Variants in ASTN2 observed in about 807,000 individuals in gnomAD.
ASTN2 encodes the protein astrotactin 2, also known as astrotactin-2.
In ASTN2, 54 loss-of-function variants were observed where a neutral mutation model predicts 139.8. The ratio of observed to expected loss-of-function variants is 0.39; its 90% CI spans 0.31 to 0.48. The LOEUF (loss-of-function observed/expected upper bound fraction) is 0.48. ASTN2 is among the 20% of genes least tolerant of loss of function. The pLI is 0.95. For missense variants in ASTN2, 1,565 were observed against 1,725.1 expected, an observed-to-expected ratio of 0.91 and a Z score of 1.64; for synonymous variants, 756 against 719.5, an observed-to-expected ratio of 1.05 and a Z score of -0.81.
At chr9:116,846,180 T>A (rs1052260481) in intron 11 of ASTN2, among the ~76,000 whole-genome samples, 1 of 152,088 alleles carries the variant, frequency 6.6e-6, no homozygotes, top group Non-Finnish European at 1.5e-5. Flanking sequence ...GAAAGCAGAA[T>A]GGTGGTTGCC....
chr9:116,924,429 C>CAAA lies in ASTN2; in HGVS notation c.1889+50776_1889+50778dup, dbSNP rs35015769. Among the ~76,000 whole-genome samples, 65 of 54,808 alleles carry CAAA rather than the reference C, an allele frequency of 1.2e-3. 2 individuals are homozygous for CAAA. Among genetic ancestry groups the CAAA allele is most frequent in the Middle Eastern group, 9.4e-3 (1 of 106 alleles). 36.0% of individuals were successfully genotyped at this position (54,808 alleles called of 152,430 possible). On this transcript the variant is annotated intron_variant, in intron 10 of 22. Transcript: ENST00000313400. Reference sequence around the variant, plus strand: ...TGGGTGACAGAGCAAGACTTCATCTCAAAAAAAAAAAAAAAAAAAAAAGAA... The same window carrying CAAA: ...TGGGTGACAGAGCAAGACTTCATCTCAAAAAAAAAAAAAAAAAAAAAAAAAGAA...
At chr9:116,783,487 C>T (rs998611380) in intron 13 of ASTN2, among the ~76,000 whole-genome samples, 13 of 152,140 alleles carry the variant, frequency 8.5e-5, no homozygotes, top group African/African-American at 3.1e-4. Flanking sequence ...GAAGGAGAAA[C>T]AATTAGCATG....
At chr9:117,106,080 C>T (rs926760938) in intron 4 of ASTN2, among the ~76,000 whole-genome samples, 6 of 152,218 alleles carry the variant, frequency 3.9e-5, no homozygotes, top group Middle Eastern at 3.4e-3. Context: ...TATTAAGTTC[C>T]GTGAAATTTC....
At chr9:116,720,446 C>T (rs1274911754) in intron 16 of ASTN2, among the ~76,000 whole-genome samples, 2 of 152,124 alleles carry the variant, frequency 1.3e-5, no homozygotes, top group South Asian at 2.1e-4. Flanking sequence ...ATGTTAATTG[C>T]ATAGCATTCT....
At chr9:117,327,255 G>A (rs1196374872) in intron 1 of ASTN2, among the ~76,000 whole-genome samples, 1 of 152,132 alleles carries the variant, frequency 6.6e-6, no homozygotes, top group African/African-American at 2.4e-5. Context: ...ACTGGTACTG[G>A]TCTGTGGCCC....
At chr9:117,257,701 C>T (rs775129018) in intron 2 of ASTN2, among the ~76,000 whole-genome samples, 131 of 152,332 alleles carry the variant, frequency 8.6e-4, no homozygotes, top group Non-Finnish European at 1.6e-3. Context: ...AATGTTGGTT[C>T]CACTGTCAAG....
At chr9:116,729,656 C>T (rs1024370753) in intron 14 of ASTN2, among the ~76,000 whole-genome samples, 2 of 152,218 alleles carry the variant, frequency 1.3e-5, no homozygotes, top group Non-Finnish European at 2.9e-5. Context: ...CATTTATTAA[C>T]TTTCCCTTCA....
intron 16 of ASTN2, among the ~76,000 whole-genome samples, chr9:116,694,278 A>C (rs1860720962): frequency 6.6e-6 from 1 of 152,112 alleles, no homozygotes; most frequent in Admixed American, 6.5e-5. Context: ...AGCCTTGTTT[A>C]ATAAACTGAT....
intron 2 of ASTN2, among the ~76,000 whole-genome samples, chr9:117,227,067 T>C (rs1001262147): frequency 6.6e-6 from 1 of 152,086 alleles, no homozygotes; most frequent in Non-Finnish European, 1.5e-5. Context: ...GCTGGCAGCA[T>C]AGTGGGTCTG....
intron 6 of ASTN2, among the ~76,000 whole-genome samples, chr9:117,031,716 G>A (rs971731205): frequency 2.3e-4 from 35 of 152,202 alleles, no homozygotes; most frequent in African/African-American, 7.7e-4. Context: ...GAAGTTTTCA[G>A]GCAAAGAAAA....
intron 15 of ASTN2, 58 bp from the exon 16 acceptor site, chr9:116,726,008 A>G: frequency 6.6e-7 from 1 of 1,524,952 alleles, no homozygotes; most frequent in South Asian, 1.2e-5. Context: ...CGGCTAGCAA[A>G]TTATACGGTG....
intron 2 of ASTN2, among the ~76,000 whole-genome samples, chr9:117,285,064 T>C (rs1221328720): frequency 1.3e-5 from 2 of 152,218 alleles, no homozygotes; most frequent in Non-Finnish European, 2.9e-5. Context: ...GATTCTTCAA[T>C]GTCTTGATTA....
rs557417829 is a variant in ASTN2 at position 116,575,212 on chromosome 9, T to A, written c.3355+43112A>T. ...CACTTTTATTGGCTTACCTCTTTTT[T>A]TCATAGTAAAATTATGTTTTTAATA... is the stretch of plus-strand genomic sequence containing the variant. On this transcript the variant is annotated intron_variant, in intron 19 of 22. Coordinates refer to ENST00000313400, the MANE Select transcript of ASTN2 (RefSeq NM_001365068.1). 2.0e-5 allele frequency among the ~76,000 whole-genome samples: 3 copies of A among 152,242 alleles called. No individual in the cohort carries two copies. The South Asian group carries it at 6.2e-4, about 32-fold the overall frequency.
intron 1 of ASTN2, among the ~76,000 whole-genome samples, chr9:117,329,178 T>C (rs1564149254): frequency 7.3e-6 from 1 of 137,314 alleles, no homozygotes; most frequent in African/African-American, 2.6e-5. Context: ...CACTTCCAAG[T>C]TCTTTTTTTT....
intron 13 of ASTN2, among the ~76,000 whole-genome samples, chr9:116,737,847 TATA>T: frequency 6.6e-6 from 1 of 152,224 alleles, no homozygotes; most frequent in African/African-American, 2.4e-5. Context: ...ATAAGAGTGA[TATA>T]ATGAGTTTTG....
At chr9:116,739,651 C>T (rs1018657203) in intron 13 of ASTN2, among the ~76,000 whole-genome samples, 5 of 152,192 alleles carry the variant, frequency 3.3e-5, no homozygotes, top group African/African-American at 7.2e-5. Context: ...TCGTTTCTAA[C>T]GATACATGTG....
At chr9:116,822,207 T>A (rs2416575) in intron 11 of ASTN2, among the ~76,000 whole-genome samples, 2 of 151,074 alleles carry the variant, frequency 1.3e-5, no homozygotes, top group African/African-American at 2.4e-5. Context: ...AAAAAAAAGG[T>A]CAGCCCTCTT....
At chr9:117,086,342 A>G (rs1375826425) in intron 5 of ASTN2, among the ~76,000 whole-genome samples, 1 of 152,168 alleles carries the variant, frequency 6.6e-6, no homozygotes, top group Admixed American at 6.5e-5. Context: ...TGGGAAGCCG[A>G]GGCAGGCGGA....
intron 4 of ASTN2, among the ~76,000 whole-genome samples, chr9:117,118,377 G>A (rs1829457347): frequency 1.3e-5 from 2 of 151,596 alleles, no homozygotes; most frequent in Non-Finnish European, 2.9e-5. Flanking sequence ...CTCTCCTAGA[G>A]GACAGCCAAT....
Sources: allele counts gnomAD v4.1 joint callset (sites outside exome capture counted in the v4.1 genomes callset), GRCh38; gene constraint gnomAD v4.1.1; transcripts MANE v1.5; gene names NCBI Gene and HGNC (gene_info 2026-07-23, HGNC 2026-07-21).